DLGAP2: variants seen among roughly 807,000 people sequenced by gnomAD.
DLGAP2 encodes DLG associated protein 2.
A neutral mutation model predicts 100.3 loss-of-function variants in DLGAP2; 26 were observed. The observed-to-expected ratio is 0.26, with a 90% CI of 0.19 to 0.36. The LOEUF (loss-of-function observed/expected upper bound fraction) is 0.36. Ranked by LOEUF, DLGAP2 falls within the 10% of genes least tolerant of loss-of-function variation. The probability of loss-of-function intolerance (pLI) is 1.00; values close to 1 mark genes in which losing one functional copy is unlikely to be tolerated. For missense variants in DLGAP2, 1,858 were observed against 1,453.2 expected, an observed-to-expected ratio of 1.28 and a Z score of -4.53; for synonymous variants, 886 against 630.1, an observed-to-expected ratio of 1.41 and a Z score of -6.08.
chr8:1,311,209 A>G (rs1260666272), intron 3 of DLGAP2, among the ~76,000 whole-genome samples: 1 of 152,214 alleles, frequency 6.6e-6, no homozygotes, highest in Non-Finnish European at 1.5e-5. Flanking sequence ...TAACAATGAA[A>G]ATGACCTAAA....
At chr8:1,063,521 CTTTTTTTTTTT>C (rs34456280) in intron 2 of DLGAP2, among the ~76,000 whole-genome samples, 1 of 111,384 alleles carries the variant, frequency 9.0e-6, no homozygotes, top group African/African-American at 3.3e-5. Context: ...AGTATACTGG[CTTTTTTTTTTT>C]TTTTTTGCTT....
chr8:1,557,367 CCCTGGT>C (rs1802000431), intron 5 of DLGAP2, among the ~76,000 whole-genome samples: 1 of 152,070 alleles, frequency 6.6e-6, no homozygotes, highest in African/African-American at 2.4e-5. Flanking sequence ...CGGAAAGAGC[CCCTGGT>C]GAGATGGACG....
chr8:866,819 G>A (rs1323090810), intron 1 of DLGAP2, among the ~76,000 whole-genome samples: 2 of 152,112 alleles, frequency 1.3e-5, no homozygotes, highest in Non-Finnish European at 2.9e-5. Flanking sequence ...TTCATTCCAG[G>A]TCCCCTGGGC....
chr8:858,457 AT>A (rs760635918), intron 1 of DLGAP2, among the ~76,000 whole-genome samples: 52 of 152,236 alleles, frequency 3.4e-4, no homozygotes, highest in Non-Finnish European at 7.1e-4. Context: ...GCCCAGAGGA[AT>A]TTTATGACAG....
chr8:940,985 T>G (rs1191967897), intron 2 of DLGAP2, among the ~76,000 whole-genome samples: 2 of 152,124 alleles, frequency 1.3e-5, no homozygotes, highest in East Asian at 3.9e-4. Context: ...AGTTCAGGGA[T>G]GCCCCCACCC....
intron 2 of DLGAP2, among the ~76,000 whole-genome samples, chr8:1,054,251 TAC>T (rs895152678): frequency 7.2e-5 from 11 of 151,778 alleles, no homozygotes; most frequent in African/African-American, 2.2e-4. Context: ...TACACACACG[TAC>T]ACACACGCAC....
At chr8:1,029,553 A>C (rs754671973) in intron 2 of DLGAP2, among the ~76,000 whole-genome samples, 1 of 131,394 alleles carries the variant, frequency 7.6e-6, no homozygotes, top group Admixed American at 8.2e-5. Context: ...GGTGTCCAGC[A>C]GTGCTGAGAG....
chr8:1,018,056 G>A (rs986545813), intron 2 of DLGAP2, among the ~76,000 whole-genome samples: 11 of 151,248 alleles, frequency 7.3e-5, no homozygotes, highest in South Asian at 2.1e-4. Flanking sequence ...CAGGCCCTCC[G>A]TCCTCAGCTT....
chr8:881,496 CTTTTTTTTTT>C (rs533557661), intron 1 of DLGAP2, among the ~76,000 whole-genome samples: 4 of 85,630 alleles, frequency 4.7e-5, no homozygotes, highest in African/African-American at 1.3e-4. Context: ...TTTCATCTCT[CTTTTTTTTTT>C]TTTTTTTTTT....
At chr8:1,102,416 G>A (rs928651258) in intron 2 of DLGAP2, among the ~76,000 whole-genome samples, 3 of 150,016 alleles carry the variant, frequency 2.0e-5, no homozygotes, top group Non-Finnish European at 4.4e-5. Flanking sequence ...CAGCTGTCTC[G>A]AGTCACTCAG....
intron 2 of DLGAP2, among the ~76,000 whole-genome samples, chr8:1,052,336 G>A (rs888299359): frequency 1.3e-5 from 2 of 152,166 alleles, no homozygotes; most frequent in African/African-American, 2.4e-5. Flanking sequence ...AAATGCCATG[G>A]GGTATTTAAA....
chr8:1,267,615 AGATAAGAT>A (rs1799490343), intron 3 of DLGAP2, among the ~76,000 whole-genome samples: 13 of 121,204 alleles, frequency 1.1e-4, no homozygotes, highest in African/African-American at 3.1e-4. Context: ...AGATAAGATA[AGATAAGAT>A]AAATATTAAA....
chr8:1,144,065 C>G (rs1043240496), intron 2 of DLGAP2, among the ~76,000 whole-genome samples: 1 of 152,230 alleles, frequency 6.6e-6, no homozygotes, highest in Non-Finnish European at 1.5e-5. Context: ...CTTGTTTCCT[C>G]CATTGCATAC....
intron 3 of DLGAP2, among the ~76,000 whole-genome samples, chr8:1,340,087 A>G (rs1422589623): frequency 6.6e-6 from 1 of 152,206 alleles, no homozygotes; most frequent in African/African-American, 2.4e-5. Context: ...TGCCAAAATT[A>G]ATTCAAGATG....
At chr8:1,650,830 T>A (rs1798144974) in intron 8 of DLGAP2, among the ~76,000 whole-genome samples, 1 of 146,596 alleles carries the variant, frequency 6.8e-6, no homozygotes, top group African/African-American at 2.7e-5. Flanking sequence ...TGACAGTTGC[T>A]GGAGCAGAGA....
Position 1,549,537 on chromosome 8 carries a change from G to C in DLGAP2, c.1084G>C (p.Asp362His), listed in dbSNP as rs771775523. The change falls in exon 5 of 15, where the codon GAC becomes CAC. Residue 362 changes from aspartate (D) to histidine (H), a missense_variant. Physicochemically the swap from Asp to His is moderately conservative, Grantham distance 81. Transcript: ENST00000637795. ...CTGTGAGGGGTTGGCGCTGACGCCCGACGCCAAGTACCTGAAGCGCAGCTC... is the reference window on the plus strand; with the variant it reads ...CTGTGAGGGGTTGGCGCTGACGCCCCACGCCAAGTACCTGAAGCGCAGCTC... ...SACEGLALTP[D>H]AKYLKRSSWS... is the part of the protein sequence containing the mutation. 2.1e-5 allele frequency: 34 copies of C among 1,613,248 alleles called. No homozygotes were observed. The highest frequency in any genetic ancestry group is 4.0e-5 in the African/African-American group (3 of 74,944).
At chr8:1,133,960 T>G (rs1362490814) in intron 2 of DLGAP2, among the ~76,000 whole-genome samples, 4 of 152,120 alleles carry the variant, frequency 2.6e-5, no homozygotes, top group Non-Finnish European at 4.4e-5. Flanking sequence ...TTAAGCCCAG[T>G]ACCCATTAGT....
intron 6 of DLGAP2, among the ~76,000 whole-genome samples, chr8:1,623,274 T>G (rs1036643634): frequency 1.3e-5 from 2 of 151,974 alleles, no homozygotes; most frequent in Non-Finnish European, 2.9e-5. Context: ...CAGAAGGGAG[T>G]GCTGCCCCCA....
intron 2 of DLGAP2, among the ~76,000 whole-genome samples, chr8:1,117,919 A>C (rs1392127246): frequency 6.6e-6 from 1 of 152,226 alleles, no homozygotes; most frequent in Non-Finnish European, 1.5e-5. Flanking sequence ...AGCAATTCAA[A>C]CATGGAAAAA....
Sources: allele counts gnomAD v4.1 joint callset (sites outside exome capture counted in the v4.1 genomes callset), GRCh38; gene constraint gnomAD v4.1.1; transcripts MANE v1.5; gene names NCBI Gene and HGNC (gene_info 2026-07-23, HGNC 2026-07-21).